SLC24A2: variants seen among roughly 807,000 people sequenced by gnomAD.
The protein encoded by SLC24A2 is solute carrier family 24 member 2.
SLC24A2 carries 36 observed loss-of-function variants against 62.0 expected under a neutral mutation model. That is an observed-to-expected ratio of 0.58 (90% CI 0.44 to 0.77). The LOEUF is 0.77. Ranked by LOEUF, SLC24A2 falls within the 30% of genes least tolerant of loss-of-function variation. The pLI, the probability that SLC24A2 is intolerant of heterozygous loss-of-function variation, is 0.00. For missense variants in SLC24A2, 846 were observed against 817.9 expected (o/e 1.03, Z -0.42); for synonymous variants, 358 against 294.0 (o/e 1.22, Z -2.23).
At chr9:20,199,074 G>C in the SLC24A2 span, among the ~76,000 whole-genome samples, 1 of 152,170 alleles carries the variant, frequency 6.6e-6, no homozygotes. Context: ...TTTTTCTACA[G>C]AGAAAAAGTT....
chr9:19,766,021 T>C (rs1480010822), intron 2 of SLC24A2, among the ~76,000 whole-genome samples: 1 of 152,220 alleles, frequency 6.6e-6, no homozygotes, highest in Non-Finnish European at 1.5e-5. Context: ...TCTAATCTTG[T>C]CTTCATGCTT....
the SLC24A2 span, among the ~76,000 whole-genome samples, chr9:20,151,272 C>A: frequency 6.6e-6 from 1 of 151,892 alleles, no homozygotes; most frequent in South Asian, 2.1e-4. Context: ...TATCATAATT[C>A]CTGTGAATGA....
intron 2 of SLC24A2, among the ~76,000 whole-genome samples, chr9:19,750,019 G>A (rs569208603): frequency 6.6e-6 from 1 of 152,286 alleles, no homozygotes; most frequent in African/African-American, 2.4e-5. Context: ...AGGAACTCAA[G>A]CCAAGGTCAG....
the SLC24A2 span, among the ~76,000 whole-genome samples, chr9:19,975,880 A>G: frequency 6.6e-6 from 1 of 152,054 alleles, no homozygotes; most frequent in Non-Finnish European, 1.5e-5. Context: ...AAAAATAACA[A>G]TATGACCATA....
intron 8 of SLC24A2, among the ~76,000 whole-genome samples, chr9:19,546,470 G>T (rs1458599054): frequency 6.6e-6 from 1 of 152,118 alleles, no homozygotes; most frequent in East Asian, 1.9e-4. Context: ...ACTTCCCGGT[G>T]GCTTTGTTTA....
the SLC24A2 span, among the ~76,000 whole-genome samples, chr9:20,158,654 T>C: frequency 1.3e-3 from 195 of 151,142 alleles, 2 homozygotes; most frequent in South Asian, 0.021. Flanking sequence ...GACAGACATA[T>C]TGAAAAAAGG....
At chr9:20,106,954 T>C in the SLC24A2 span, among the ~76,000 whole-genome samples, 8 of 152,264 alleles carry the variant, frequency 5.3e-5, no homozygotes, top group East Asian at 3.9e-4. Flanking sequence ...AAAACCCCAT[T>C]GTCTCAGCCA....
At chr9:20,113,427 G>C in the SLC24A2 span, among the ~76,000 whole-genome samples, 1 of 152,142 alleles carries the variant, frequency 6.6e-6, no homozygotes, top group Admixed American at 6.6e-5. Context: ...TGCTTGGCAA[G>C]TAAAAGAGAG....
the SLC24A2 span, among the ~76,000 whole-genome samples, chr9:19,844,359 A>G: frequency 1.3e-5 from 2 of 151,896 alleles, no homozygotes; most frequent in Admixed American, 6.6e-5. Flanking sequence ...CTGCTTTTTA[A>G]TGGGGTTGTT....
chr9:19,589,850 C>G (rs930451709), intron 5 of SLC24A2, among the ~76,000 whole-genome samples: 1 of 152,146 alleles, frequency 6.6e-6, no homozygotes, highest in Admixed American at 6.5e-5. Context: ...GATACAGAAT[C>G]TTGAGCATTG....
chr9:19,956,291 T>C, the SLC24A2 span, among the ~76,000 whole-genome samples: 1 of 152,238 alleles, frequency 6.6e-6, no homozygotes, highest in Non-Finnish European at 1.5e-5. Context: ...AATTTGTTAA[T>C]GCTCACAATG....
intron 2 of SLC24A2, among the ~76,000 whole-genome samples, chr9:19,715,242 A>T (rs930420620): frequency 1.3e-5 from 2 of 152,226 alleles, no homozygotes; most frequent in African/African-American, 4.8e-5. Flanking sequence ...TTTGCAAGGA[A>T]TATCAGAGTC....
At chr9:19,865,273 G>T in the SLC24A2 span, among the ~76,000 whole-genome samples, 8 of 152,102 alleles carry the variant, frequency 5.3e-5, no homozygotes, top group East Asian at 1.2e-3. Context: ...GTAATCTACA[G>T]ATACAATGCA....
chr9:20,251,794 G>C, the SLC24A2 span, among the ~76,000 whole-genome samples: 2 of 152,184 alleles, frequency 1.3e-5, no homozygotes, highest in South Asian at 2.1e-4. Flanking sequence ...GATTCTCCAA[G>C]ATCCCTCTGT....
chr9:20,262,985 C>A, the SLC24A2 span, among the ~76,000 whole-genome samples: 1 of 152,014 alleles, frequency 6.6e-6, no homozygotes, highest in Non-Finnish European at 1.5e-5. Flanking sequence ...GTTAATGTTC[C>A]CTGAGAGAAG....
chr9:19,835,186 G>C, the SLC24A2 span, among the ~76,000 whole-genome samples: 8 of 152,138 alleles, frequency 5.3e-5, no homozygotes. Context: ...AAAATAACCA[G>C]CTAACATCAT....
chr9:19,908,848 C>G, the SLC24A2 span, among the ~76,000 whole-genome samples: 2 of 152,014 alleles, frequency 1.3e-5, no homozygotes, highest in Admixed American at 6.5e-5. Context: ...GCTGGAGAGG[C>G]TGTGGAGAAA....
At chr9:19,760,769 G>A (rs1181840706) in intron 2 of SLC24A2, among the ~76,000 whole-genome samples, 1 of 151,654 alleles carries the variant, frequency 6.6e-6, no homozygotes, top group Non-Finnish European at 1.5e-5. Flanking sequence ...GCCTAACATT[G>A]ATGGGCATTT....
At chr9:19,533,793 C>A (rs1833819881) in intron 8 of SLC24A2, among the ~76,000 whole-genome samples, 1 of 152,158 alleles carries the variant, frequency 6.6e-6, no homozygotes, top group South Asian at 2.1e-4. Context: ...TGGTATGTTA[C>A]AAAGCAAAAG....
Sources: allele counts gnomAD v4.1 joint callset (sites outside exome capture counted in the v4.1 genomes callset), GRCh38; gene constraint gnomAD v4.1.1; transcripts MANE v1.5; gene names NCBI Gene and HGNC (gene_info 2026-07-23, HGNC 2026-07-21).